Variants in UNC93A observed in about 807,000 individuals in gnomAD.
UNC93A encodes the protein unc-93 homolog A.
A neutral mutation model predicts 47.5 loss-of-function variants in UNC93A; 43 were observed. The ratio of observed to expected loss-of-function variants is 0.91; its 90% CI spans 0.71 to 1.17. UNC93A has a LOEUF of 1.17. Among genes scored for constraint, UNC93A ranks in the 50% most tolerant of loss-of-function variants. The pLI is 0.00. For missense variants in UNC93A, 605 were observed against 577.6 expected (o/e 1.05, Z -0.49); for synonymous variants, 280 against 258.0 (o/e 1.09, Z -0.82).
At chr6:167,287,330 T>C (rs1345193835), upstream of UNC93A, among the ~76,000 whole-genome samples, 2 of 152,206 alleles carry the variant, frequency 1.3e-5, no homozygotes, top group African/African-American at 4.8e-5. Context: ...AGCTGGACAC[T>C]GCTCTGCCGC....
chr6:167,294,247 G>A (rs1777984827), intron 1 of UNC93A, among the ~76,000 whole-genome samples: 1 of 152,166 alleles, frequency 6.6e-6, no homozygotes, highest in Non-Finnish European at 1.5e-5. Flanking sequence ...GGCGTGAGCG[G>A]CTCTCACAGC....
At chr6:167,274,063 G>C (rs1287663123) in intron 1 of UNC93A, among the ~76,000 whole-genome samples, 4 of 152,176 alleles carry the variant, frequency 2.6e-5, no homozygotes, top group Admixed American at 2.6e-4. Flanking sequence ...GCTTTGCAGG[G>C]ACATTTCAAG....
intron 4 of UNC93A, among the ~76,000 whole-genome samples, chr6:167,301,455 T>G (rs995856911): frequency 1.1e-4 from 16 of 152,152 alleles, no homozygotes; most frequent in African/African-American, 3.6e-4. Context: ...AAAATGGACC[T>G]AAAAGAACAA....
At chr6:167,285,046 A>G (rs185324362) in intron 1 of UNC93A, among the ~76,000 whole-genome samples, 2,845 of 152,280 alleles carry the variant, frequency 0.019, 56 homozygotes, top group African/African-American at 0.065. Context: ...GTGCCAGCAT[A>G]AGCCAACCTG....
At chr6:167,279,094 G>A (rs16900164) in intron 1 of UNC93A, among the ~76,000 whole-genome samples, 4 of 152,096 alleles carry the variant, frequency 2.6e-5, no homozygotes, top group Admixed American at 2.0e-4. Context: ...TTCCTGCAGA[G>A]TGGTACAAAT....
chr6:167,290,682 C>G (rs1278166681), upstream of UNC93A, among the ~76,000 whole-genome samples: 2 of 152,174 alleles, frequency 1.3e-5, no homozygotes, highest in Admixed American at 1.3e-4. Context: ...CATTTCAGAA[C>G]TCAATAGTCA....
At chr6:167,282,548 A>G (rs1175861682) in intron 1 of UNC93A, among the ~76,000 whole-genome samples, 1 of 152,224 alleles carries the variant, frequency 6.6e-6, no homozygotes, top group Non-Finnish European at 1.5e-5. Flanking sequence ...GTTCATTGTC[A>G]GTAAAAAACA....
intron 1 of UNC93A, among the ~76,000 whole-genome samples, chr6:167,293,995 C>T (rs891054418): frequency 6.6e-6 from 1 of 152,216 alleles, no homozygotes; most frequent in East Asian, 1.9e-4. Context: ...CGTCCCTGGT[C>T]CATTCTCAAA....
intron 1 of UNC93A, among the ~76,000 whole-genome samples, chr6:167,285,936 CTT>C (rs1486618831): frequency 3.3e-5 from 4 of 122,980 alleles, no homozygotes; most frequent in Non-Finnish European, 5.1e-5. Flanking sequence ...AGTTAGTTTT[CTT>C]TCTCTCTCTC....
At chr6:167,303,289 C>T (rs963621052) in intron 4 of UNC93A, among the ~76,000 whole-genome samples, 3 of 152,186 alleles carry the variant, frequency 2.0e-5, no homozygotes, top group Admixed American at 6.5e-5. Flanking sequence ...CAATTGGTAG[C>T]GCACTCTACA....
upstream of UNC93A, among the ~76,000 whole-genome samples, chr6:167,287,296 G>T (rs1431118023): frequency 6.6e-6 from 1 of 152,148 alleles, no homozygotes; most frequent in Non-Finnish European, 1.5e-5. Context: ...TGATGCTTGG[G>T]TCCAGCCGAG....
chr6:167,287,331 G>T (rs1265102313), upstream of UNC93A, among the ~76,000 whole-genome samples: 1 of 152,226 alleles, frequency 6.6e-6, no homozygotes, highest in Non-Finnish European at 1.5e-5. Context: ...GCTGGACACT[G>T]CTCTGCCGCC....
At chr6:167,280,100 A>G (rs2346169) in intron 1 of UNC93A, among the ~76,000 whole-genome samples, 1 of 152,152 alleles carries the variant, frequency 6.6e-6, no homozygotes, top group Non-Finnish European at 1.5e-5. Flanking sequence ...TTTTATTGAT[A>G]AGTATTAGTT....
At chr6:167,274,775 C>T (rs2032332719) in intron 1 of UNC93A, among the ~76,000 whole-genome samples, 1 of 152,094 alleles carries the variant, frequency 6.6e-6, no homozygotes, top group Admixed American at 6.5e-5. Context: ...GCTTCCATGC[C>T]CTGCACAGAG....
At chr6:167,312,276 C>G (rs1485866372) in intron 7 of UNC93A, among the ~76,000 whole-genome samples, 1 of 151,080 alleles carries the variant, frequency 6.6e-6, no homozygotes, top group Middle Eastern at 3.2e-3. Flanking sequence ...CGATGTTAAC[C>G]TTGATCCCGT....
At chr6:167,277,322 G>A (rs896492779) in intron 1 of UNC93A, among the ~76,000 whole-genome samples, 6 of 152,192 alleles carry the variant, frequency 3.9e-5, no homozygotes, top group Non-Finnish European at 5.9e-5. Flanking sequence ...CTGCCTTGGC[G>A]ACCTACCCTT....
At chr6:167,301,119 C>T (rs895861765) in intron 4 of UNC93A, among the ~76,000 whole-genome samples, 8 of 152,272 alleles carry the variant, frequency 5.3e-5, no homozygotes, top group African/African-American at 1.7e-4. Context: ...AGTTTGCTGG[C>T]CCCTGCTCTA....
rs761863375 is a variant in UNC93A, at chr6:167,296,261, G to A, written c.499G>A (p.Glu167Lys). 6.2e-6 allele frequency: 10 copies of A among 1,614,146 alleles called. No individual in the cohort carries two copies. The East Asian group carries it at 2.2e-4, about 36-fold the overall frequency. ...GGTATTTGGCCAGACTCCCAGCCAA[G>A]GTAAAAGGAAAAGGGGCAAGCAATT... is the stretch of plus-strand genomic sequence containing the variant. ...SLVFGQTPSQ[E>K]TLPEEQLTSC... is the part of the protein sequence containing the mutation. The change falls in exon 3 of 8, where the codon GAG becomes AAG. Residue 167 changes from glutamate to lysine, a missense_variant and splice_region_variant. Coordinates refer to ENST00000230256, the MANE Select transcript of UNC93A (RefSeq NM_018974.4).
intron 4 of UNC93A, among the ~76,000 whole-genome samples, chr6:167,302,807 G>T (rs1379443380): frequency 6.6e-6 from 1 of 152,132 alleles, no homozygotes; most frequent in Non-Finnish European, 1.5e-5. Flanking sequence ...ATTTTGTGTG[G>T]CTTCAGTGAC....
Sources: gnomAD v4.1 joint callset for allele counts (sites outside exome capture counted in the v4.1 genomes callset) on GRCh38, gnomAD v4.1.1 for gene constraint, MANE v1.5 for transcripts, NCBI Gene and HGNC (gene_info 2026-07-23, HGNC 2026-07-21) for gene names.